Variants in NPL observed in about 807,000 individuals in gnomAD.
NPL encodes N-acetylneuraminate pyruvate lyase.
A neutral mutation model predicts 41.1 loss-of-function variants in NPL; 32 were observed. The ratio of observed to expected loss-of-function variants is 0.78; its 90% CI spans 0.59 to 1.05. The LOEUF (loss-of-function observed/expected upper bound fraction) is 1.05, where lower values mean the gene tolerates loss of function less well. Among genes scored for constraint, NPL ranks in the 50% least tolerant of loss-of-function variants. The pLI, the probability that NPL is intolerant of heterozygous loss-of-function variation, is 0.00. For synonymous variants in NPL, 128 were observed against 134.9 expected, an observed-to-expected ratio of 0.95 and a Z score of 0.35; for missense variants, 321 against 378.4, an observed-to-expected ratio of 0.85 and a Z score of 1.26.
intron 1 of NPL, among the ~76,000 whole-genome samples, chr1:182,790,193 T>C (rs1051938638): frequency 5.9e-5 from 9 of 152,194 alleles, no homozygotes; most frequent in Admixed American, 5.9e-4. Context: ...TATTTGTATC[T>C]CCTCTTCTCC....
At position 182,828,845 on chromosome 1, in the gene NPL, G is replaced by C; in HGVS notation, c.900G>C (p.Leu300=). ...REFTDSAEAK[L]KSLDFLSFTD... ...TTACTGATAGTGCTGAAGCTAAACT[G>C]AAGAGCCTGGATTTCCTTTCTTTCA... Residue 300 remains leucine, a synonymous_variant, in exon 13 of 13, where the codon CTG becomes CTC. Transcript: ENST00000367553. The surrounding 1 kb of genome is among the most constrained non-coding windows in gnomAD (Gnocchi z 4.0). 1 of 1,614,210 alleles carries C rather than the reference G, an allele frequency of 6.2e-7. No homozygotes were observed. Among genetic ancestry groups the C allele is most frequent in the Non-Finnish European group, 8.5e-7 (1 of 1,180,036 alleles).
intron 3 of NPL, among the ~76,000 whole-genome samples, chr1:182,802,306 C>A (rs1306012474): frequency 1.3e-5 from 2 of 152,232 alleles, no homozygotes; most frequent in Non-Finnish European, 2.9e-5. Context: ...GGCCTGCTAT[C>A]TTTTCTCTGA....
chr1:182,803,544 A>T (rs1372354144), intron 3 of NPL, among the ~76,000 whole-genome samples, 154 bp from the exon 4 acceptor site: 1 of 152,020 alleles, frequency 6.6e-6, no homozygotes, highest in African/African-American at 2.4e-5. Flanking sequence ...GGGGAAAAAA[A>T]CCCCAGGCAT....
intron 5 of NPL, among the ~76,000 whole-genome samples, chr1:182,807,655 T>A (rs1231812102): frequency 6.9e-6 from 1 of 144,302 alleles, no homozygotes; most frequent in Non-Finnish European, 1.5e-5. Context: ...GGCGGGCGGA[T>A]CACGAGGTCA....
rs1667400767 is a variant in NPL, at chr1:182,818,581, C to A, written c.498C>A (p.Ile166=). Residue 166 remains isoleucine (I), a synonymous_variant, in exon 9 of 13, where the codon ATC becomes ATA. Transcript: ENST00000367553. ...EELLDGILDK[I]PTFQGLKFSD... is the part of the protein sequence containing the mutation. ...TGTTGGATGGGATTCTGGATAAGATCCCCACCTTCCAAGGGCTGAAATTCA... is the reference window on the plus strand; with the variant it reads ...TGTTGGATGGGATTCTGGATAAGATACCCACCTTCCAAGGGCTGAAATTCA... 1.2e-6 allele frequency: 2 copies of A among 1,614,144 alleles called. No individual in the cohort carries two copies. The highest frequency in any genetic ancestry group is 1.7e-6 in the Non-Finnish European group (2 of 1,180,018).
chr1:182,808,830 G>T (rs1414582170), intron 5 of NPL, among the ~76,000 whole-genome samples: 1 of 151,948 alleles, frequency 6.6e-6, no homozygotes, highest in Non-Finnish European at 1.5e-5. Flanking sequence ...ATAGTGGTAT[G>T]CCCCTGTGGT....
chr1:182,829,452 T>C lies in NPL; in HGVS notation c.*544T>C. On this transcript the variant is annotated 3_prime_UTR_variant, in exon 13 of 13. Transcript: ENST00000367553. ...TCTAGAATGGATGCTTTTGAATTCA[T>C]TTCGATGTCACCACTTTTCGCTCTT... 7.0e-7 allele frequency: 1 copy of C among 1,438,680 alleles called. No homozygotes were observed. 89.1% of individuals were successfully genotyped at this position (1,438,680 alleles called of 1,614,324 possible).
rs770674417 is a variant in NPL at position 182,806,539 on chromosome 1, G to A, written c.230+307G>A. The A allele has an allele frequency of 4.2e-5, 64 of 1,536,032 alleles. No homozygotes were observed. The African/African-American group carries it at 7.9e-4, about 19-fold the overall frequency. Reference sequence around the variant, plus strand: ...CCGTCTTTGGGCTGAAAGGTAAGAGGGGAGGGTGGTGACGGACTCTGCTGG... The same window carrying A: ...CCGTCTTTGGGCTGAAAGGTAAGAGAGGAGGGTGGTGACGGACTCTGCTGG... On this transcript the variant is annotated intron_variant, in intron 5 of 12. Coordinates refer to ENST00000367553, the MANE Select transcript of NPL (RefSeq NM_030769.3).
chr1:182,798,274 C>G (rs766210602), intron 3 of NPL, among the ~76,000 whole-genome samples: 1 of 142,276 alleles, frequency 7.0e-6, no homozygotes, highest in Non-Finnish European at 1.5e-5. Flanking sequence ...TCGCAGCAGG[C>G]GGGAGTGCAG....
At chr1:182,825,967 C>T (rs1049852091) in intron 12 of NPL, 147 bp downstream of exon 12, 7 of 763,986 alleles carry the variant, frequency 9.2e-6, no homozygotes, top group Non-Finnish European at 1.6e-5. Context: ...CCCTCGGGGC[C>T]AACCATATAA....
chr1:182,816,779 C>A lies in NPL; in HGVS notation c.430C>A (p.His144Asn). The A allele has an allele frequency of 6.2e-7, 1 of 1,613,518 alleles. No individual in the cohort carries two copies. Among genetic ancestry groups the A allele is most frequent in the Non-Finnish European group, 8.5e-7 (1 of 1,179,604 alleles). ...CCCTGCCCTGCCATTTTATTACTAT[C>A]ACATTCCTGCCTTGACAGGGGTAAA... Reference protein sequence around the residue: ...AAPALPFYYYHIPALTGVKIR... With the variant: ...AAPALPFYYYNIPALTGVKIR... The change falls in exon 8 of 13, where the codon CAC becomes AAC. Residue 144 changes from histidine to asparagine, a missense_variant. Transcript: ENST00000367553.
rs759420464 is a variant in NPL, at chr1:182,822,128, CT to C, written c.668del (p.Leu223ArgfsTer19). 1 of 1,611,872 alleles carries C rather than the reference CT, an allele frequency of 6.2e-7. No homozygotes were observed. The highest frequency in any genetic ancestry group is 1.7e-5 in the Admixed American group (1 of 60,018). On this transcript the variant is annotated frameshift_variant, in exon 11 of 13. Coordinates refer to ENST00000367553, the MANE Select transcript of NPL (RefSeq NM_030769.3). LOFTEE classifies it high-confidence loss of function. ...TTGTCTTGCCAGTACCTATAACTACCTGGGAAAAAAGACAAACCAGATGTTG... is the reference window on the plus strand; with the variant it reads ...TTGTCTTGCCAGTACCTATAACTACCGGGAAAAAAGACAAACCAGATGTTG... ...TGAVGSTYNY[L>X]GKKTNQMLEA... is the part of the protein sequence containing the mutation.
chr1:182,822,234 C>T (rs1667506743), intron 11 of NPL, 35 bp downstream of exon 11: 2 of 1,388,856 alleles, frequency 1.4e-6, no homozygotes, highest in African/African-American at 1.4e-5. Context: ...AAATCACAGC[C>T]TTTTTTCTTC....
intron 1 of NPL, among the ~76,000 whole-genome samples, chr1:182,790,873 C>T (rs1026841871): frequency 1.3e-5 from 2 of 152,174 alleles, no homozygotes; most frequent in Admixed American, 6.5e-5. Context: ...GAACTCCTGA[C>T]CTCAGGTGAT....
In NPL at chr1:182,794,439, G is replaced by A; in HGVS notation, c.68G>A (p.Gly23Glu). Residue 23 changes from glycine (G) to glutamate (E), a missense_variant and splice_region_variant, in exon 3 of 13, where the codon GGA becomes GAA. Transcript: ENST00000367553. ...ACCATCACGCCAATGACTGAGAATG[G>A]GTAACTATCATTTGGGGCCTTGAGG... ...AATITPMTEN[G>E]EINFSVIGQY... 6.2e-7 allele frequency: 1 copy of A among 1,614,082 alleles called. No homozygotes were observed.
At chr1:182,803,873 C>T in intron 4 of NPL, 102 bp downstream of exon 4, 1 of 889,904 alleles carries the variant, frequency 1.1e-6, no homozygotes, top group South Asian at 1.3e-5. Context: ...CATGGTGTCA[C>T]AGGTTATGAT....
At chr1:182,816,848 C>A in intron 8 of NPL, 42 bp downstream of exon 8, 1 of 1,458,688 alleles carries the variant, frequency 6.9e-7, no homozygotes, top group South Asian at 1.1e-5. Context: ...TTCCAACTCT[C>A]ACATCTTACC....
intron 2 of NPL, among the ~76,000 whole-genome samples, chr1:182,793,824 G>A (rs1026979028): frequency 4.6e-5 from 7 of 152,278 alleles, no homozygotes; most frequent in East Asian, 3.9e-4. Context: ...CTTGAATTAC[G>A]TTGATTTGAA....
intron 3 of NPL, among the ~76,000 whole-genome samples, chr1:182,801,208 C>G (rs940043624): frequency 6.6e-6 from 1 of 152,224 alleles, no homozygotes; most frequent in Admixed American, 6.5e-5. Flanking sequence ...ATGATGACCA[C>G]TGCCCCCAAA....
Sources: allele counts gnomAD v4.1 joint callset (sites outside exome capture counted in the v4.1 genomes callset), GRCh38; gene constraint gnomAD v4.1.1; non-coding constraint Gnocchi (gnomAD v3.1); transcripts MANE v1.5; gene names NCBI Gene and HGNC (gene_info 2026-07-23, HGNC 2026-07-21).